BMPR2: variants seen among roughly 807,000 people sequenced by gnomAD.
BMPR2 encodes bone morphogenetic protein receptor type 2.
Under a neutral mutation model 100.8 loss-of-function variants are expected in BMPR2, and 29 were observed. That is an observed-to-expected ratio of 0.29 (90% CI 0.21 to 0.39). BMPR2 has a LOEUF of 0.39. Among genes scored for constraint, BMPR2 ranks in the 10% least tolerant of loss-of-function variants. The pLI is 1.00. For missense variants in BMPR2, 1,011 were observed against 1,274.5 expected (o/e 0.79, Z 3.15); for synonymous variants, 382 against 442.3 (o/e 0.86, Z 1.71).
intron 1 of BMPR2, among the ~76,000 whole-genome samples, chr2:202,459,545 T>A (rs1692185087): frequency 6.6e-6 from 1 of 152,162 alleles, no homozygotes; most frequent in Admixed American, 6.6e-5. Flanking sequence ...TGTGTCCATG[T>A]GTTTTCATCA....
chr2:202,462,489 G>T (rs573783570), intron 1 of BMPR2, among the ~76,000 whole-genome samples: 1 of 152,194 alleles, frequency 6.6e-6, no homozygotes, highest in South Asian at 2.1e-4. Flanking sequence ...AAAGTGCTGG[G>T]ATTACAGGCG....
intron 3 of BMPR2, among the ~76,000 whole-genome samples, chr2:202,481,079 CT>C (rs1692651206): frequency 6.6e-6 from 1 of 151,764 alleles, no homozygotes; most frequent in African/African-American, 2.4e-5. Context: ...CAGGACCACA[CT>C]GTCTTGATAA....
chr2:202,503,281 G>A lies in BMPR2; in HGVS notation c.419-10438G>A, dbSNP rs577380103. On this transcript the variant is annotated intron_variant, in intron 3 of 12. Transcript: ENST00000374580. The surrounding 1 kb of genome is among the most constrained non-coding windows in gnomAD (Gnocchi z 4.0). ...CCTCTGCCTGGGCTCCCACTTTGGCGGCACTTGAGGAGCCCTTCAGCCCAC... is the reference window on the plus strand; with the variant it reads ...CCTCTGCCTGGGCTCCCACTTTGGCAGCACTTGAGGAGCCCTTCAGCCCAC... 2.7e-4 allele frequency among the ~76,000 whole-genome samples: 41 copies of A among 152,334 alleles called. No homozygotes were observed. Among genetic ancestry groups the A allele is most frequent in the Middle Eastern group, 3.4e-3 (1 of 294 alleles).
intron 10 of BMPR2, among the ~76,000 whole-genome samples, chr2:202,548,631 TAC>T (rs1688417844): frequency 6.6e-6 from 1 of 152,214 alleles, no homozygotes; most frequent in Admixed American, 6.5e-5. Context: ...AGATCCAACT[TAC>T]GTTTTCCTTC....
At chr2:202,508,980 A>G (rs1336672832) in intron 3 of BMPR2, among the ~76,000 whole-genome samples, 2 of 152,238 alleles carry the variant, frequency 1.3e-5, no homozygotes, top group Non-Finnish European at 2.9e-5. Flanking sequence ...ACAGTTGACA[A>G]ATTTGAAAAG....
At chr2:202,385,864 G>A (rs1036428777) in intron 1 of BMPR2, among the ~76,000 whole-genome samples, 1 of 151,916 alleles carries the variant, frequency 6.6e-6, no homozygotes, top group African/African-American at 2.4e-5. Flanking sequence ...GGTTGTTTCC[G>A]ATTTTCTTCT....
intron 11 of BMPR2, among the ~76,000 whole-genome samples, chr2:202,553,575 T>TA (rs1176776811): frequency 6.6e-6 from 1 of 152,164 alleles, no homozygotes; most frequent in East Asian, 1.9e-4. Flanking sequence ...TTTTGTCTAA[T>TA]ACATGTTTAA....
chr2:202,450,593 A>G (rs1296368154), intron 1 of BMPR2, among the ~76,000 whole-genome samples: 2 of 150,390 alleles, frequency 1.3e-5, no homozygotes, highest in Non-Finnish European at 3.0e-5. Context: ...TGGGAGGCTG[A>G]GGCAGGAGAA....
intron 7 of BMPR2, among the ~76,000 whole-genome samples, chr2:202,522,378 G>A (rs977035408): frequency 9.2e-5 from 14 of 151,820 alleles, no homozygotes; most frequent in Admixed American, 2.0e-4. Flanking sequence ...ATGGTGGCAC[G>A]CTTCTGTATT....
At chr2:202,538,453 T>C (rs917397809) in intron 9 of BMPR2, among the ~76,000 whole-genome samples, 1 of 150,162 alleles carries the variant, frequency 6.7e-6, no homozygotes, top group Non-Finnish European at 1.5e-5. Context: ...CGAGACTCCA[T>C]CTCTTAAAGA....
In BMPR2 at chr2:202,513,770, C is replaced by T. The variant is rs1574485996; in HGVS notation, c.470C>T (p.Ser157Leu). Residue 157 changes from serine to leucine, a missense_variant, in exon 4 of 13, where the codon TCA becomes TTA. Physicochemically the swap from Ser to Leu is moderately radical, Grantham distance 145. Coordinates refer to ENST00000374580, the MANE Select transcript of BMPR2 (RefSeq NM_001204.7). ...GAGACAATAATCATTGCTTTGGCAT[C>T]AGTCTCTGTATTAGCTGTTTTGATA... ...RDETIIIALA[S>L]VSVLAVLIVA... The T allele has an allele frequency of 6.2e-7, 1 of 1,613,422 alleles. No homozygotes were observed. Among genetic ancestry groups the T allele is most frequent in the Non-Finnish European group, 8.5e-7 (1 of 1,179,664 alleles).
chr2:202,402,860 C>CCA (rs1690794684), intron 1 of BMPR2, among the ~76,000 whole-genome samples: 12 of 150,222 alleles, frequency 8.0e-5, no homozygotes, highest in Non-Finnish European at 1.5e-5. Context: ...TGGAGTTTCG[C>CCA]TTTTGTCGTC....
chr2:202,465,905 C>T (rs1400460363), intron 2 of BMPR2, among the ~76,000 whole-genome samples: 1 of 152,082 alleles, frequency 6.6e-6, no homozygotes, highest in Non-Finnish European at 1.5e-5. Context: ...ATCCAGTTTT[C>T]TCCACCTTAA....
intron 1 of BMPR2, among the ~76,000 whole-genome samples, chr2:202,411,827 G>A (rs940058495): frequency 1.3e-5 from 2 of 152,112 alleles, no homozygotes; most frequent in East Asian, 3.8e-4. Context: ...TAACTTCCCA[G>A]TACTTTAAAA....
chr2:202,533,371 G>A (rs1361401939), intron 9 of BMPR2, among the ~76,000 whole-genome samples: 1 of 151,862 alleles, frequency 6.6e-6, no homozygotes, highest in Non-Finnish European at 1.5e-5. Flanking sequence ...GACCAATATG[G>A]TGAAACCCCG....
At chr2:202,449,016 G>A (rs1691917990) in intron 1 of BMPR2, among the ~76,000 whole-genome samples, 1 of 150,644 alleles carries the variant, frequency 6.6e-6, no homozygotes, top group Non-Finnish European at 1.5e-5. Context: ...GTACAGAAAA[G>A]AGTTAAAATA....
At chr2:202,505,066 G>A in intron 3 of BMPR2, 1 of 174,788 alleles carries the variant, frequency 5.7e-6, no homozygotes, top group Non-Finnish European at 1.2e-5. Context: ...GTTTGGCATG[G>A]ATAACATACA....
intron 7 of BMPR2, among the ~76,000 whole-genome samples, chr2:202,524,752 G>A (rs1687877221): frequency 6.6e-6 from 1 of 152,152 alleles, no homozygotes. Context: ...GAAAAATAAG[G>A]CTAGGTGCGG....
chr2:202,469,895 G>A (rs2105964305), intron 3 of BMPR2, among the ~76,000 whole-genome samples: 1 of 152,300 alleles, frequency 6.6e-6, no homozygotes, highest in Non-Finnish European at 1.5e-5. Flanking sequence ...TGATTTATAA[G>A]CACAGTATTT....
Sources: gnomAD v4.1 joint callset for allele counts (sites outside exome capture counted in the v4.1 genomes callset) on GRCh38, gnomAD v4.1.1 for gene constraint, Gnocchi (gnomAD v3.1) non-coding constraint, MANE v1.5 for transcripts, NCBI Gene and HGNC (gene_info 2026-07-23, HGNC 2026-07-21) for gene names.